DNM3: variants seen among roughly 807,000 people sequenced by gnomAD.
The protein encoded by DNM3 is dynamin-3.
In DNM3, 47 loss-of-function variants were observed where a neutral mutation model predicts 101.6. The observed-to-expected ratio is 0.46, with a 90% confidence interval of 0.37 to 0.59. The LOEUF is 0.59. Ranked by LOEUF, DNM3 falls within the 20% of genes least tolerant of loss-of-function variation. The pLI, the probability that DNM3 is intolerant of heterozygous loss-of-function variation, is 0.00. For synonymous variants in DNM3, 385 were observed against 387.9 expected (o/e 0.99, Z 0.09); for missense variants, 849 against 1,085.7 (o/e 0.78, Z 3.06).
chr1:172,299,808 A>G (rs1397496508), intron 15 of DNM3, among the ~76,000 whole-genome samples: 1 of 152,220 alleles, frequency 6.6e-6, no homozygotes, highest in Non-Finnish European at 1.5e-5. Context: ...GGTTGATTCA[A>G]TGTCTTTGCT....
intron 15 of DNM3, among the ~76,000 whole-genome samples, chr1:172,255,767 A>T (rs2062371770): frequency 6.6e-6 from 1 of 152,146 alleles, no homozygotes; most frequent in African/African-American, 2.4e-5. Flanking sequence ...CCTCCAGTGC[A>T]ATGTTGACCA....
intron 1 of DNM3, among the ~76,000 whole-genome samples, chr1:171,859,278 C>T (rs2033933606): frequency 6.6e-6 from 1 of 152,122 alleles, no homozygotes; most frequent in Non-Finnish European, 1.5e-5. Context: ...CTGGGATACC[C>T]CAACTGCCTC....
At chr1:172,077,609 G>A (rs1004178487) in intron 11 of DNM3, among the ~76,000 whole-genome samples, 24 of 152,212 alleles carry the variant, frequency 1.6e-4, no homozygotes, top group African/African-American at 5.3e-4. Context: ...CAGTTTCCAT[G>A]TAGTTGTGCG....
rs73039357 is a variant in DNM3, at chr1:172,126,731, A to T, written c.1546-4444A>T. ...ACACGGTACCTGCTTTTTTTTTTTG[A>T]CTTCATTGGACTCTTATTCCTTTTA... On this transcript the variant is annotated intron_variant, in intron 13 of 20. Coordinates refer to ENST00000627582, the MANE Select transcript of DNM3 (RefSeq NM_015569.5). Among the ~76,000 whole-genome samples the T allele has an allele frequency of 8.1e-3, 1,212 of 148,814 alleles. 12 individuals are homozygous for T. Among genetic ancestry groups the T allele is most frequent in the African/African-American group, 0.028 (1,122 of 40,446 alleles).
chr1:172,333,943 G>C (rs928689525), intron 17 of DNM3, among the ~76,000 whole-genome samples: 2 of 152,112 alleles, frequency 1.3e-5, no homozygotes, highest in Non-Finnish European at 2.9e-5. Context: ...TTAGCCATTA[G>C]TCTCATAAAT....
chr1:171,889,933 A>G (rs1358766737), intron 1 of DNM3, among the ~76,000 whole-genome samples: 1 of 152,194 alleles, frequency 6.6e-6, no homozygotes, highest in African/African-American at 2.4e-5. Context: ...ATGGACATCT[A>G]GGTGTGTTGT....
chr1:172,308,653 T>A, intron 15 of DNM3, 75 bp from the exon 16 acceptor site: 1 of 651,290 alleles, frequency 1.5e-6, no homozygotes, highest in Non-Finnish European at 2.3e-6. Context: ...TACATCATCA[T>A]CGTCTACAGC....
intron 13 of DNM3, among the ~76,000 whole-genome samples, chr1:172,128,493 A>C (rs890233745): frequency 2.0e-5 from 3 of 152,242 alleles, no homozygotes; most frequent in Admixed American, 1.3e-4. Context: ...TAATTAAAAA[A>C]TTTCTGATAG....
At chr1:172,035,065 G>A (rs1340143017) in intron 6 of DNM3, among the ~76,000 whole-genome samples, 1 of 152,086 alleles carries the variant, frequency 6.6e-6, no homozygotes, top group East Asian at 1.9e-4. Flanking sequence ...TTGTGGTAAG[G>A]GCCAGTGGAG....
Position 172,181,375 on chromosome 1 carries a change from T to TACACAC in DNM3, c.1659+50121_1659+50126dup, listed in dbSNP as rs55756017. Among the ~76,000 whole-genome samples, 992 of 147,684 alleles carry TACACAC rather than the reference T, an allele frequency of 6.7e-3. 10 individuals carry two copies. The highest frequency in any genetic ancestry group is 0.011 in the African/African-American group (450 of 40,622). ...TCTTATGCTTTAAAACACTTGAGTT[T>TACACAC]ACACACACACACACACACACACACA... On this transcript the variant is annotated intron_variant, in intron 14 of 20. Transcript: ENST00000627582.
intron 1 of DNM3, among the ~76,000 whole-genome samples, chr1:171,850,164 G>A (rs147494576): frequency 9.8e-5 from 15 of 152,306 alleles, no homozygotes; most frequent in African/African-American, 3.1e-4. Context: ...AAGTGTTCAG[G>A]AGGTAAGGTG....
intron 14 of DNM3, among the ~76,000 whole-genome samples, chr1:172,175,937 A>G (rs1334184865): frequency 6.6e-6 from 1 of 151,752 alleles, no homozygotes; most frequent in East Asian, 1.9e-4. Context: ...CACATTCTTT[A>G]TAATCCCCTC....
intron 1 of DNM3, among the ~76,000 whole-genome samples, chr1:171,890,491 T>G (rs936019973): frequency 6.6e-6 from 1 of 152,194 alleles, no homozygotes; most frequent in African/African-American, 2.4e-5. Context: ...TAACAAACCA[T>G]ATTTCAAAGT....
intron 14 of DNM3, among the ~76,000 whole-genome samples, chr1:172,221,776 C>T (rs540201831): frequency 1.3e-5 from 2 of 152,254 alleles, no homozygotes; most frequent in Non-Finnish European, 2.9e-5. Flanking sequence ...CTCTCCAATT[C>T]TGGGACTCCC....
intron 20 of DNM3, among the ~76,000 whole-genome samples, chr1:172,403,415 G>A (rs552561942): frequency 6.6e-6 from 1 of 152,046 alleles, no homozygotes; most frequent in Non-Finnish European, 1.5e-5. Flanking sequence ...GTTAAAATGG[G>A]CCTCATATCA....
At chr1:171,973,227 A>G (rs1328663392) in intron 2 of DNM3, among the ~76,000 whole-genome samples, 1 of 152,188 alleles carries the variant, frequency 6.6e-6, no homozygotes, top group Non-Finnish European at 1.5e-5. Context: ...GAGAGCTTGA[A>G]GTAGTGACAC....
rs2065994741 is a variant in DNM3 at position 172,327,700 on chromosome 1, A to C, written c.1893+4360A>C. 2.0e-5 allele frequency among the ~76,000 whole-genome samples: 3 copies of C among 152,176 alleles called. No individual in the cohort carries two copies. The South Asian group carries it at 6.2e-4, about 31-fold the overall frequency. On this transcript the variant is annotated intron_variant, in intron 17 of 20. Transcript: ENST00000627582. ...CTGATTTTCTTAGAAAACTTAAGCC[A>C]ATACATGCCCTGGGGTCTAAGGAAC...
chr1:171,945,789 T>C (rs1040930853), intron 2 of DNM3, among the ~76,000 whole-genome samples: 1 of 152,086 alleles, frequency 6.6e-6, no homozygotes, highest in African/African-American at 2.4e-5. Context: ...CTACTTCATA[T>C]AGGGTGATCA....
chr1:172,292,117 A>G (rs964856110), intron 15 of DNM3, among the ~76,000 whole-genome samples: 1 of 152,210 alleles, frequency 6.6e-6, no homozygotes, highest in African/African-American at 2.4e-5. Context: ...AATAAATGAT[A>G]AAAGTGTTTG....
Sources: allele counts gnomAD v4.1 joint callset (sites outside exome capture counted in the v4.1 genomes callset), GRCh38; gene constraint gnomAD v4.1.1; transcripts MANE v1.5; gene names NCBI Gene and HGNC (gene_info 2026-07-23, HGNC 2026-07-21).